Variants in BICRAL observed in about 807,000 individuals in gnomAD.
BICRAL encodes the protein BRD4-interacting chromatin-remodeling complex-associated protein-like.
In BICRAL, 8 loss-of-function variants were observed where a neutral mutation model predicts 91.8. The ratio of observed to expected loss-of-function variants is 0.09; its 90% CI spans 0.05 to 0.16. BICRAL has a LOEUF of 0.16. Ranked by LOEUF, BICRAL falls within the 10% of genes least tolerant of loss-of-function variation. The pLI, the probability that BICRAL is intolerant of heterozygous loss-of-function variation, is 1.00. For missense variants in BICRAL, 1,038 were observed against 1,310.9 expected, an observed-to-expected ratio of 0.79 and a Z score of 3.21; for synonymous variants, 445 against 491.1, an observed-to-expected ratio of 0.91 and a Z score of 1.24.
intron 1 of BICRAL, among the ~76,000 whole-genome samples, chr6:42,761,573 C>A (rs1762550943): frequency 6.6e-6 from 1 of 152,154 alleles, no homozygotes; most frequent in Non-Finnish European, 1.5e-5. Context: ...ATATATACTT[C>A]TTTCATCTGT....
chr6:42,777,034 G>C (rs544360701), intron 1 of BICRAL, among the ~76,000 whole-genome samples: 1 of 152,324 alleles, frequency 6.6e-6, no homozygotes, highest in African/African-American at 2.4e-5. Context: ...TAGGCTCTTA[G>C]AGAATTTAAG....
In BICRAL at chr6:42,866,949, C is replaced by T; in HGVS notation, c.*1503C>T. The stretch of plus-strand genomic sequence containing the variant: ...ATACACACACGTGCATGTATCTGAG[C>T]TGCTCGGATCCAGAGGTCATTTTTG... On this transcript the variant is annotated 3_prime_UTR_variant, in exon 13 of 13. Transcript: ENST00000314073. The T allele has an allele frequency of 2.2e-6, 1 of 445,888 alleles. No individual in the cohort carries two copies. Among genetic ancestry groups the T allele is most frequent in the South Asian group, 1.6e-5 (1 of 63,554 alleles). 27.6% of individuals were successfully genotyped at this position (445,888 alleles called of 1,614,324 possible).
intron 1 of BICRAL, among the ~76,000 whole-genome samples, chr6:42,759,656 A>G (rs1762516515): frequency 1.3e-5 from 2 of 152,254 alleles, no homozygotes; most frequent in South Asian, 4.1e-4. Flanking sequence ...GTCCCTTTAC[A>G]CATGCTGCTT....
At chr6:42,812,456 A>G (rs1195168323) in intron 2 of BICRAL, among the ~76,000 whole-genome samples, 2 of 152,174 alleles carry the variant, frequency 1.3e-5, no homozygotes, top group Non-Finnish European at 2.9e-5. Context: ...AGTTGTTACT[A>G]TCTTATATAA....
intron 1 of BICRAL, among the ~76,000 whole-genome samples, chr6:42,809,840 G>A (rs779814374): frequency 2.0e-5 from 3 of 151,938 alleles, no homozygotes; most frequent in Non-Finnish European, 2.9e-5. Context: ...AGGCTGGAGT[G>A]CAGTGGCATG....
intron 2 of BICRAL, among the ~76,000 whole-genome samples, chr6:42,818,653 A>T (rs1050712223): frequency 7.0e-6 from 1 of 142,606 alleles, no homozygotes; most frequent in African/African-American, 2.7e-5. Flanking sequence ...CAAGATTGTT[A>T]AAAAAAAAAA....
At chr6:42,752,359 C>T (rs1471896705) in intron 1 of BICRAL, among the ~76,000 whole-genome samples, 1 of 152,220 alleles carries the variant, frequency 6.6e-6, no homozygotes, top group African/African-American at 2.4e-5. Flanking sequence ...CAGGGAGGCC[C>T]TAAGACTGCC....
chr6:42,835,077 TCTC>T (rs1764600500), intron 6 of BICRAL, among the ~76,000 whole-genome samples: 1 of 152,106 alleles, frequency 6.6e-6, no homozygotes, highest in South Asian at 2.1e-4. Flanking sequence ...CATCCAAGTC[TCTC>T]TCTTTTCCAT....
At chr6:42,857,323 C>A in intron 10 of BICRAL, 87 bp downstream of exon 10, 1 of 1,057,920 alleles carries the variant, frequency 9.5e-7, no homozygotes, top group Non-Finnish European at 1.4e-6. Flanking sequence ...CCACATCACC[C>A]CCAGATGGTA....
chr6:42,769,451 G>C (rs1249285158), intron 1 of BICRAL, among the ~76,000 whole-genome samples: 1 of 152,236 alleles, frequency 6.6e-6, no homozygotes, highest in Non-Finnish European at 1.5e-5. Context: ...CAGTAGGAGG[G>C]AGGATGCACA....
intron 1 of BICRAL, among the ~76,000 whole-genome samples, chr6:42,783,417 C>G: frequency 6.6e-6 from 1 of 152,272 alleles, no homozygotes. Context: ...GCCCCAAATG[C>G]GGGATATTGG....
intron 1 of BICRAL, among the ~76,000 whole-genome samples, chr6:42,758,597 T>C (rs988836332): frequency 6.6e-6 from 1 of 151,342 alleles, no homozygotes; most frequent in Non-Finnish European, 1.5e-5. Context: ...CGATTTACAC[T>C]ACAATGGAAA....
intron 5 of BICRAL, among the ~76,000 whole-genome samples, chr6:42,827,635 T>C (rs983931261): frequency 1.3e-5 from 2 of 152,232 alleles, no homozygotes; most frequent in African/African-American, 2.4e-5. Flanking sequence ...ATCCTAGCAC[T>C]TTGGGAGGCC....
chr6:42,754,105 A>G (rs1412435973), intron 1 of BICRAL, among the ~76,000 whole-genome samples: 4 of 151,292 alleles, frequency 2.6e-5, no homozygotes, highest in Non-Finnish European at 5.9e-5. Flanking sequence ...AGGCATGAGC[A>G]CTTCCCAAAG....
chr6:42,851,189 A>T lies in BICRAL; in HGVS notation c.1840-903A>T, dbSNP rs750909082. Among the ~76,000 whole-genome samples the T allele has an allele frequency of 1.3e-4, 20 of 152,134 alleles. No homozygotes were observed. The East Asian group carries it at 1.5e-3, about 12-fold the overall frequency. ...GACAGAGAGAGACTCCGTCTCAAAA[A>T]AAATAAATAAATAAAAGCCCTTTAT... On this transcript the variant is annotated intron_variant, in intron 6 of 12. Transcript: ENST00000314073.
intron 2 of BICRAL, among the ~76,000 whole-genome samples, chr6:42,812,338 A>G (rs1186632259): frequency 6.6e-6 from 1 of 152,124 alleles, no homozygotes; most frequent in Non-Finnish European, 1.5e-5. Flanking sequence ...CATGCCTGTA[A>G]TCCCATTACT....
intron 3 of BICRAL, 116 bp from the exon 4 acceptor site, chr6:42,822,680 G>T: frequency 1.8e-6 from 1 of 549,766 alleles, no homozygotes; most frequent in Non-Finnish European, 3.2e-6. Flanking sequence ...TTAAAATAGG[G>T]AGAGGATTTT....
intron 1 of BICRAL, among the ~76,000 whole-genome samples, chr6:42,808,316 A>G (rs142904296): frequency 1.2e-3 from 184 of 151,910 alleles, no homozygotes; most frequent in African/African-American, 4.0e-3. Context: ...TTTTTAGTAG[A>G]GATGGGGTTT....
At chr6:42,862,653 A>G (rs1765590177) in intron 12 of BICRAL, 41 bp downstream of exon 12, 1 of 1,191,944 alleles carries the variant, frequency 8.4e-7, no homozygotes, top group Non-Finnish European at 1.3e-6. Flanking sequence ...AGCTCCTGCC[A>G]TGGTTCAGGG....
Sources: allele counts gnomAD v4.1 joint callset (sites outside exome capture counted in the v4.1 genomes callset), GRCh38; gene constraint gnomAD v4.1.1; transcripts MANE v1.5; gene names NCBI Gene and HGNC (gene_info 2026-07-23, HGNC 2026-07-21).